Variants in CPNE4 observed in about 807,000 individuals in gnomAD.
CPNE4 encodes the protein copine-4.
In CPNE4, 25 loss-of-function variants were observed where a neutral mutation model predicts 67.9. The ratio of observed to expected loss-of-function variants is 0.37; its 90% CI spans 0.27 to 0.51. CPNE4 has a LOEUF of 0.51. Among genes scored for constraint, CPNE4 ranks in the 20% least tolerant of loss-of-function variants. CPNE4 has a pLI of 0.93. For missense variants in CPNE4, 464 were observed against 690.8 expected (o/e 0.67, Z 3.68); for synonymous variants, 242 against 244.9 (o/e 0.99, Z 0.11).
chr3:131,847,372 G>A (rs990280505), intron 2 of CPNE4, among the ~76,000 whole-genome samples: 1 of 152,124 alleles, frequency 6.6e-6, no homozygotes. Flanking sequence ...CTTAGCTAGT[G>A]TAACTAGTTC....
intron 6 of CPNE4, among the ~76,000 whole-genome samples, chr3:131,674,255 G>A (rs1290138952): frequency 6.6e-6 from 1 of 151,918 alleles, no homozygotes; most frequent in Non-Finnish European, 1.5e-5. Context: ...TGTTCATCAG[G>A]GATATTGGCC....
intron 2 of CPNE4, among the ~76,000 whole-genome samples, chr3:131,897,135 T>A (rs2088369835): frequency 6.6e-6 from 1 of 152,018 alleles, no homozygotes; most frequent in African/African-American, 2.4e-5. Context: ...TTTTATAGAC[T>A]AGTGGTAATT....
At chr3:131,596,601 G>A (rs1332498632) in intron 7 of CPNE4, among the ~76,000 whole-genome samples, 2 of 79,156 alleles carry the variant, frequency 2.5e-5, no homozygotes, top group East Asian at 8.0e-4. Context: ...CAGCCTGGGC[G>A]ACAGAGCGAG....
chr3:132,037,461 C>T, upstream of CPNE4: 1 of 870,286 alleles, frequency 1.1e-6, no homozygotes, highest in African/African-American at 1.7e-5. Flanking sequence ...AGCTAATAAT[C>T]CATGTTTTCA....
intron 1 of CPNE4, among the ~76,000 whole-genome samples, chr3:131,951,853 G>A (rs1278228689): frequency 3.3e-5 from 5 of 152,076 alleles, no homozygotes; most frequent in Admixed American, 2.0e-4. Flanking sequence ...ACGGAGTCTC[G>A]TTCACTCAGT....
chr3:131,693,463 G>C (rs1472863013), intron 5 of CPNE4, among the ~76,000 whole-genome samples: 1 of 152,032 alleles, frequency 6.6e-6, no homozygotes, highest in African/African-American at 2.4e-5. Flanking sequence ...AAAATGGTGA[G>C]AATGGTATTA....
At chr3:131,874,787 GTTCC>G (rs2087370515) in intron 2 of CPNE4, among the ~76,000 whole-genome samples, 1 of 152,104 alleles carries the variant, frequency 6.6e-6, no homozygotes, top group Non-Finnish European at 1.5e-5. Flanking sequence ...CACATCTGGA[GTTCC>G]TTGTGACAAT....
intron 12 of CPNE4, among the ~76,000 whole-genome samples, chr3:131,552,915 C>T (rs201059885): frequency 3.3e-5 from 5 of 151,936 alleles, no homozygotes; most frequent in African/African-American, 7.3e-5. Flanking sequence ...CTGAAGATAG[C>T]GATGGTTATA....
At chr3:131,926,096 T>C (rs1235889379) in intron 1 of CPNE4, among the ~76,000 whole-genome samples, 1 of 152,166 alleles carries the variant, frequency 6.6e-6, no homozygotes, top group African/African-American at 2.4e-5. Context: ...AGTAATAAGA[T>C]GGCCAACTAG....
chr3:131,606,413 C>T (rs1421100924), intron 7 of CPNE4, among the ~76,000 whole-genome samples: 1 of 152,136 alleles, frequency 6.6e-6, no homozygotes, highest in Non-Finnish European at 1.5e-5. Context: ...AATAGTTTTG[C>T]TACTGCTATG....
intron 2 of CPNE4, among the ~76,000 whole-genome samples, chr3:131,885,771 A>G (rs866332945): frequency 7.9e-5 from 12 of 151,932 alleles, no homozygotes; most frequent in Middle Eastern, 3.4e-3. Flanking sequence ...ATTCCTACCT[A>G]TGAGTGAGAA....
intron 7 of CPNE4, among the ~76,000 whole-genome samples, chr3:131,669,444 G>A (rs1007607164): frequency 2.6e-5 from 4 of 151,972 alleles, no homozygotes; most frequent in African/African-American, 7.3e-5. Context: ...AGAAGACATG[G>A]GTTTTGCCTC....
chr3:131,829,390 C>A (rs902059849), intron 2 of CPNE4, among the ~76,000 whole-genome samples: 1 of 151,920 alleles, frequency 6.6e-6, no homozygotes, highest in African/African-American at 2.4e-5. Context: ...CATTTGAAAC[C>A]CATCTCTTTC....
At chr3:131,755,835 G>C (rs2082737693) in intron 2 of CPNE4, among the ~76,000 whole-genome samples, 1 of 152,116 alleles carries the variant, frequency 6.6e-6, no homozygotes, top group Non-Finnish European at 1.5e-5. Context: ...GAAACTCTCA[G>C]GGTTGCTAGT....
chr3:131,924,666 T>C (rs987818678), intron 1 of CPNE4, among the ~76,000 whole-genome samples: 27 of 152,196 alleles, frequency 1.8e-4, no homozygotes, highest in African/African-American at 5.1e-4. Context: ...ACCACTAGTA[T>C]AGAGGTGTGT....
intron 13 of CPNE4, among the ~76,000 whole-genome samples, chr3:131,552,115 G>A (rs921249255): frequency 1.3e-5 from 2 of 150,966 alleles, no homozygotes; most frequent in Non-Finnish European, 2.9e-5. Flanking sequence ...CAGAAAGAGG[G>A]ATATTGTATC....
upstream of CPNE4, among the ~76,000 whole-genome samples, chr3:132,035,863 T>A (rs1328706294): frequency 6.6e-6 from 1 of 152,080 alleles, no homozygotes; most frequent in Non-Finnish European, 1.5e-5. Flanking sequence ...TGGTATAGAG[T>A]GTGTTACATC....
intron 7 of CPNE4, among the ~76,000 whole-genome samples, chr3:131,610,422 T>A (rs1169386273): frequency 1.3e-5 from 2 of 152,216 alleles, no homozygotes; most frequent in Non-Finnish European, 2.9e-5. Flanking sequence ...CTTTTCTCTC[T>A]CAACACTCAG....
At chr3:131,866,701 T>G (rs1490887579) in intron 2 of CPNE4, among the ~76,000 whole-genome samples, 1 of 152,078 alleles carries the variant, frequency 6.6e-6, no homozygotes, top group Non-Finnish European at 1.5e-5. Context: ...CTACATAAAC[T>G]CAGGCTGAAG....
Sources: gnomAD v4.1 joint callset for allele counts (sites outside exome capture counted in the v4.1 genomes callset) on GRCh38, gnomAD v4.1.1 for gene constraint, MANE v1.5 for transcripts, NCBI Gene and HGNC (gene_info 2026-07-23, HGNC 2026-07-21) for gene names.